Variants in OVOL2 observed in about 807,000 individuals in gnomAD.
The protein encoded by OVOL2 is ovo like zinc finger 2.
OVOL2 carries 13 observed loss-of-function variants against 18.1 expected under a neutral mutation model. The ratio of observed to expected loss-of-function variants is 0.72; its 90% CI spans 0.47 to 1.14. OVOL2 has a LOEUF of 1.14. Among genes scored for constraint, OVOL2 ranks in the 50% most tolerant of loss-of-function variants. The probability of loss-of-function intolerance (pLI) is 0.00; values close to 1 mark genes in which losing one functional copy is unlikely to be tolerated. For missense variants in OVOL2, 335 were observed against 383.0 expected (o/e 0.87, Z 1.05); for synonymous variants, 166 against 162.7 (o/e 1.02, Z -0.16).
At chr20:18,044,403 C>T (rs560399656) in intron 2 of OVOL2, among the ~76,000 whole-genome samples, 1 of 152,312 alleles carries the variant, frequency 6.6e-6, no homozygotes, top group African/African-American at 2.4e-5. Flanking sequence ...CAAGCCTAGT[C>T]TAGGGCCAGT....
At chr20:18,054,186 A>G (rs1395106180) in intron 2 of OVOL2, among the ~76,000 whole-genome samples, 1 of 152,226 alleles carries the variant, frequency 6.6e-6, no homozygotes, top group Non-Finnish European at 1.5e-5. Context: ...AGTAGGTATC[A>G]TTATCATCTT....
chr20:18,041,850 A>G, intron 2 of OVOL2, 127 bp from the exon 3 acceptor site: 1 of 808,192 alleles, frequency 1.2e-6, no homozygotes, highest in East Asian at 3.0e-5. Flanking sequence ...AAAATTTTCA[A>G]GCAGGTTTTG....
intron 3 of OVOL2, 47 bp downstream of exon 3, chr20:18,041,487 T>G: frequency 6.4e-7 from 1 of 1,573,780 alleles, no homozygotes; most frequent in Non-Finnish European, 8.7e-7. Flanking sequence ...CAGGAGCTCT[T>G]GGCCAGAATA....
At chr20:18,049,557 C>A (rs942574391) in intron 2 of OVOL2, among the ~76,000 whole-genome samples, 2 of 150,588 alleles carry the variant, frequency 1.3e-5, no homozygotes, top group Non-Finnish European at 3.0e-5. Flanking sequence ...AGATTCCCCC[C>A]CCGATCCTAT....
Position 18,056,119 on chromosome 20 carries a change from T to C in OVOL2, c.321+538A>G, listed in dbSNP as rs1016498950. Among the ~76,000 whole-genome samples the C allele has an allele frequency of 6.6e-6, 1 of 152,198 alleles. No homozygotes were observed. The highest frequency in any genetic ancestry group is 2.4e-5 in the African/African-American group (1 of 41,462). ...TAAAGTGCCGTGCACAAGCCTCCTG[T>C]CTGACAGACACTGGGAACCGGTTCA... On this transcript the variant is annotated intron_variant, in intron 2 of 3. Coordinates refer to ENST00000278780, the MANE Select transcript of OVOL2 (RefSeq NM_021220.4). The surrounding 1 kb of genome is among the most constrained non-coding windows in gnomAD (Gnocchi z 4.2).
chr20:18,045,279 G>A (rs2036715169), intron 2 of OVOL2, among the ~76,000 whole-genome samples: 1 of 152,202 alleles, frequency 6.6e-6, no homozygotes, highest in Non-Finnish European at 1.5e-5. Flanking sequence ...CATTTGAGTG[G>A]TAGTGAGGGG....
At chr20:18,035,028 A>G (rs1426850560) in intron 3 of OVOL2, among the ~76,000 whole-genome samples, 2 of 152,218 alleles carry the variant, frequency 1.3e-5, no homozygotes, top group Non-Finnish European at 2.9e-5. Flanking sequence ...GACTGCAAAC[A>G]AACATACCCC....
intron 3 of OVOL2, among the ~76,000 whole-genome samples, chr20:18,030,189 C>T (rs1568631762): frequency 6.6e-6 from 1 of 152,226 alleles, no homozygotes; most frequent in East Asian, 1.9e-4. Context: ...CATGTTTGCA[C>T]TGTAATGCAG....
intron 3 of OVOL2, among the ~76,000 whole-genome samples, chr20:18,026,892 A>G (rs2036524377): frequency 6.6e-6 from 1 of 151,998 alleles, no homozygotes; most frequent in African/African-American, 2.4e-5. Context: ...GGAGGCTCAC[A>G]CTCAAAAAGA....
rs143732879 is a variant in OVOL2, at chr20:18,038,567, C to T, written c.511+2967G>A. ...TTAGTCTCCAGCAATGGAGAATTAA[C>T]TCAATCACAGGGGAGGCAAGGCCAT... On this transcript the variant is annotated intron_variant, in intron 3 of 3. Coordinates refer to ENST00000278780, the MANE Select transcript of OVOL2 (RefSeq NM_021220.4). 9.5e-3 allele frequency among the ~76,000 whole-genome samples: 1,447 copies of T among 152,282 alleles called. 24 individuals carry two copies. The highest frequency in any genetic ancestry group is 0.033 in the African/African-American group (1,382 of 41,554).
At chr20:18,027,870 C>G (rs143304319) in intron 3 of OVOL2, among the ~76,000 whole-genome samples, 1 of 152,082 alleles carries the variant, frequency 6.6e-6, no homozygotes, top group Non-Finnish European at 1.5e-5. Flanking sequence ...ACTGGGATTA[C>G]AGGCGTGAGC....
chr20:18,052,560 T>G (rs1260228393), intron 2 of OVOL2, among the ~76,000 whole-genome samples: 1 of 152,122 alleles, frequency 6.6e-6, no homozygotes, highest in Non-Finnish European at 1.5e-5. Context: ...GGGTGGCAGA[T>G]ACGTATGACT....
intron 2 of OVOL2, 109 bp from the exon 3 acceptor site, chr20:18,041,832 C>T (rs1262311474): frequency 2.0e-6 from 2 of 983,878 alleles, no homozygotes; most frequent in Non-Finnish European, 2.8e-6. Context: ...TCTGCGGCTT[C>T]TGCCCCTAAA....
intron 3 of OVOL2, among the ~76,000 whole-genome samples, chr20:18,040,020 G>A (rs746705205): frequency 6.6e-5 from 10 of 152,034 alleles, no homozygotes; most frequent in Non-Finnish European, 1.5e-4. Context: ...AAACTCCTAC[G>A]TTCAAGCGAT....
intron 2 of OVOL2, among the ~76,000 whole-genome samples, chr20:18,048,153 G>T (rs548786528): frequency 6.6e-6 from 1 of 151,652 alleles, no homozygotes; most frequent in South Asian, 2.1e-4. Flanking sequence ...CAGTTGTGGT[G>T]GTGCACGCCT....
At chr20:18,040,380 C>T (rs1600443246) in intron 3 of OVOL2, among the ~76,000 whole-genome samples, 1 of 151,894 alleles carries the variant, frequency 6.6e-6, no homozygotes, top group South Asian at 2.1e-4. Flanking sequence ...TGGGATAGGA[C>T]GTGATGGGCT....
chr20:18,025,832 G>A (rs2036508855), intron 3 of OVOL2, among the ~76,000 whole-genome samples: 1 of 152,228 alleles, frequency 6.6e-6, no homozygotes, highest in African/African-American at 2.4e-5. Flanking sequence ...GTCAGTCACT[G>A]GCTGCCGGCT....
chr20:18,029,986 AG>A (rs367819283), intron 3 of OVOL2, among the ~76,000 whole-genome samples: 7 of 152,168 alleles, frequency 4.6e-5, no homozygotes, highest in African/African-American at 1.7e-4. Flanking sequence ...TCAGAAAAAC[AG>A]AAAACAAACA....
At chr20:18,051,402 G>GAAT (rs1226668371) in intron 2 of OVOL2, among the ~76,000 whole-genome samples, 1 of 151,976 alleles carries the variant, frequency 6.6e-6, no homozygotes, top group Non-Finnish European at 1.5e-5. Context: ...TATCTCTATA[G>GAAT]AAATACATCA....
Sources: allele counts gnomAD v4.1 joint callset (sites outside exome capture counted in the v4.1 genomes callset), GRCh38; gene constraint gnomAD v4.1.1; non-coding constraint Gnocchi (gnomAD v3.1); transcripts MANE v1.5; gene names NCBI Gene and HGNC (gene_info 2026-07-23, HGNC 2026-07-21).